The following PACSIN2 variants were observed in gnomAD, a reference collection of about 807,000 sequenced individuals.
PACSIN2 encodes protein kinase C and casein kinase substrate in neurons 2.
A neutral mutation model predicts 63.8 loss-of-function variants in PACSIN2; 25 were observed. The observed-to-expected ratio is 0.39, with a 90% CI of 0.29 to 0.55. PACSIN2 has a LOEUF of 0.55. Ranked by LOEUF, PACSIN2 falls within the 20% of genes least tolerant of loss-of-function variation. PACSIN2 has a pLI of 0.62. For missense variants in PACSIN2, 518 were observed against 646.9 expected, an observed-to-expected ratio of 0.80 and a Z score of 2.16; for synonymous variants, 255 against 256.2, an observed-to-expected ratio of 1.00 and a Z score of 0.05.
chr22:42,882,388 C>A (rs1754176712), intron 6 of PACSIN2, 84 bp from the exon 7 acceptor site: 8 of 1,467,446 alleles, frequency 5.5e-6, no homozygotes, highest in Middle Eastern at 4.1e-4. Flanking sequence ...ACAGCAGGTC[C>A]CGTGGTCTCT....
At chr22:42,938,219 G>A (rs1043578401) in intron 1 of PACSIN2, among the ~76,000 whole-genome samples, 7 of 152,166 alleles carry the variant, frequency 4.6e-5, no homozygotes, top group African/African-American at 1.4e-4. Context: ...TCCTGGGCTC[G>A]CGAAGCAGCA....
intron 1 of PACSIN2, among the ~76,000 whole-genome samples, chr22:43,006,683 C>T (rs542969466): frequency 5.3e-5 from 8 of 152,176 alleles, no homozygotes; most frequent in South Asian, 4.2e-4. Flanking sequence ...GGCATGATGG[C>T]GCATGCCTAT....
At chr22:42,886,474 ACCTACTTT>A (rs1929497045) in intron 5 of PACSIN2, among the ~76,000 whole-genome samples, 1 of 151,986 alleles carries the variant, frequency 6.6e-6, no homozygotes, top group African/African-American at 2.4e-5. Context: ...CTACCTACTT[ACCTACTTT>A]AGAGATGAGG....
Position 42,888,645 on chromosome 22 carries a change from TAAG to T in PACSIN2, c.604_606del (p.Leu202del). Reference sequence around the variant, plus strand: ...GTAAAAACAAGTGTACAGTTTACCTTAAGAACATCTTGCTTGCACTTTTCTATT... The same window carrying T: ...GTAAAAACAAGTGTACAGTTTACCTTAACATCTTGCTTGCACTTTTCTATT... On this transcript the variant is annotated inframe_deletion, in exon 5 of 11. Transcript: ENST00000263246. 2 of 1,614,216 alleles carry T rather than the reference TAAG, an allele frequency of 1.2e-6. No individual in the cohort carries two copies. Among genetic ancestry groups the T allele is most frequent in the Non-Finnish European group, 1.7e-6 (2 of 1,179,996 alleles).
intron 1 of PACSIN2, among the ~76,000 whole-genome samples, chr22:42,946,483 T>G (rs1379036139): frequency 6.6e-6 from 1 of 152,134 alleles, no homozygotes; most frequent in Non-Finnish European, 1.5e-5. Context: ...TGAACCCAGG[T>G]GATGGAGGTT....
chr22:43,009,879 TTTTTTTTGA>T, intron 1 of PACSIN2, among the ~76,000 whole-genome samples: 1 of 136,598 alleles, frequency 7.3e-6, no homozygotes, highest in African/African-American at 2.6e-5. Context: ...TTTTTTTTTT[TTTTTTTTGA>T]GACAGAGTCT....
At chr22:43,014,124 T>C (rs1225960448) in intron 1 of PACSIN2, among the ~76,000 whole-genome samples, 1 of 152,018 alleles carries the variant, frequency 6.6e-6, no homozygotes, top group African/African-American at 2.4e-5. Flanking sequence ...GCAGCAGCAA[T>C]CACTACCTCT....
At chr22:42,989,887 C>A (rs867323607) in intron 1 of PACSIN2, among the ~76,000 whole-genome samples, 27 of 144,150 alleles carry the variant, frequency 1.9e-4, no homozygotes, top group Non-Finnish European at 3.5e-4. Context: ...TATATATATA[C>A]ACACACACAC....
At chr22:42,978,177 G>A (rs544498094) in intron 1 of PACSIN2, among the ~76,000 whole-genome samples, 1 of 151,960 alleles carries the variant, frequency 6.6e-6, no homozygotes, top group South Asian at 2.1e-4. Context: ...TAAATTCAGG[G>A]GTGTGTAAGC....
chr22:42,945,569 C>A (rs777264880), intron 1 of PACSIN2, among the ~76,000 whole-genome samples: 1 of 152,092 alleles, frequency 6.6e-6, no homozygotes, highest in South Asian at 2.1e-4. Context: ...ATGGTCCCAC[C>A]ATTCATTCAC....
intron 1 of PACSIN2, among the ~76,000 whole-genome samples, chr22:42,953,633 T>G (rs376749606): frequency 1.3e-4 from 20 of 152,194 alleles, no homozygotes; most frequent in East Asian, 7.7e-4. Context: ...TGCTAAGGGT[T>G]TCATTTAACA....
intron 1 of PACSIN2, among the ~76,000 whole-genome samples, chr22:42,961,554 T>C (rs1934136200): frequency 1.3e-5 from 2 of 152,116 alleles, no homozygotes; most frequent in Admixed American, 1.3e-4. Flanking sequence ...AATGGATTGC[T>C]TGAAGCCAGG....
intron 1 of PACSIN2, among the ~76,000 whole-genome samples, chr22:42,999,051 C>T (rs777947905): frequency 1.3e-5 from 2 of 152,208 alleles, no homozygotes; most frequent in Non-Finnish European, 2.9e-5. Context: ...CTGATTCTTC[C>T]TGGACGCCAG....
intron 1 of PACSIN2, among the ~76,000 whole-genome samples, chr22:42,971,708 T>C (rs1168029561): frequency 6.6e-6 from 1 of 150,956 alleles, no homozygotes; most frequent in Non-Finnish European, 1.5e-5. Context: ...CCGCCCTGTC[T>C]GGGAAGTGAG....
chr22:42,877,337 TCTC>T (rs1413440797), intron 8 of PACSIN2, among the ~76,000 whole-genome samples: 6 of 151,962 alleles, frequency 3.9e-5, no homozygotes, highest in Non-Finnish European at 7.4e-5. Flanking sequence ...GTTCAGGGCT[TCTC>T]CTCTGTCCTG....
At chr22:43,003,529 G>A (rs1601620662) in intron 1 of PACSIN2, among the ~76,000 whole-genome samples, 2 of 152,216 alleles carry the variant, frequency 1.3e-5, no homozygotes, top group East Asian at 3.9e-4. Flanking sequence ...TGTGAACCCA[G>A]GAGGCGGAGC....
intron 1 of PACSIN2, among the ~76,000 whole-genome samples, chr22:42,966,465 C>T (rs534684010): frequency 3.9e-5 from 6 of 152,050 alleles, no homozygotes; most frequent in Non-Finnish European, 8.8e-5. Flanking sequence ...GAAGAAGGTC[C>T]CAGGACAAAG....
At chr22:42,892,872 G>C (rs1376762140) in intron 3 of PACSIN2, among the ~76,000 whole-genome samples, 1 of 152,208 alleles carries the variant, frequency 6.6e-6, no homozygotes, top group Non-Finnish European at 1.5e-5. Flanking sequence ...GCTGTAATCA[G>C]TCAAGTTCCC....
At chr22:42,964,276 G>T (rs1490891112) in intron 1 of PACSIN2, among the ~76,000 whole-genome samples, 1 of 152,070 alleles carries the variant, frequency 6.6e-6, no homozygotes, top group East Asian at 1.9e-4. Context: ...AAATTAGCTG[G>T]GCATGGTGGC....
Sources: allele counts gnomAD v4.1 joint callset (sites outside exome capture counted in the v4.1 genomes callset), GRCh38; gene constraint gnomAD v4.1.1; transcripts MANE v1.5; gene names NCBI Gene and HGNC (gene_info 2026-07-23, HGNC 2026-07-21).